The following KCNB2 variants were observed in gnomAD, a reference collection of about 807,000 sequenced individuals.
KCNB2 encodes potassium voltage-gated channel subfamily B member 2, also known as delayed rectifier potassium channel protein.
In KCNB2, 15 loss-of-function variants were observed where a neutral mutation model predicts 61.5. That is an observed-to-expected ratio of 0.24 (90% CI 0.16 to 0.38). The LOEUF is 0.38. Among genes scored for constraint, KCNB2 ranks in the 10% least tolerant of loss-of-function variants. KCNB2 has a pLI of 1.00. For missense variants in KCNB2, 828 were observed against 1,125.2 expected, an observed-to-expected ratio of 0.74 and a Z score of 3.78; for synonymous variants, 457 against 446.0, an observed-to-expected ratio of 1.02 and a Z score of -0.31.
intron 2 of KCNB2, among the ~76,000 whole-genome samples, chr8:72,658,281 A>G (rs11992102): frequency 0.042 from 6,468 of 152,264 alleles, 184 homozygotes; most frequent in African/African-American, 0.083. Context: ...CTTTATTGTT[A>G]ATATGTAGAA....
In KCNB2 at chr8:72,936,297, C is replaced by A. The variant is rs145537672; in HGVS notation, c.942C>A (p.Leu314=). Residue 314 remains leucine (L), a synonymous_variant, in exon 3 of 3, where the codon CTC becomes CTA. Transcript: ENST00000523207. This position sits in a 1 kb window ranked among gnomAD's most constrained non-coding sequence, Gnocchi z 5.6. The part of the protein sequence containing the change: ...RIMRILRILK[L]ARHSTGLQSL... ...TGCGCATCCTCAGGATCCTGAAACT[C>A]GCCAGGCATTCGACAGGCCTGCAGT... 17 of 1,614,218 alleles carry A rather than the reference C, an allele frequency of 1.1e-5. No homozygotes were observed. In the East Asian group the frequency reaches 2.2e-4, roughly 21 times the overall value.
chr8:72,819,101 AAAT>A, intron 2 of KCNB2, among the ~76,000 whole-genome samples: 1 of 152,268 alleles, frequency 6.6e-6, no homozygotes, highest in East Asian at 1.9e-4. Context: ...AGCCAACACA[AAAT>A]AATGATTCTT....
chr8:72,739,444 G>C (rs545628685), intron 2 of KCNB2, among the ~76,000 whole-genome samples: 8 of 152,032 alleles, frequency 5.3e-5, no homozygotes, highest in African/African-American at 1.9e-4. Context: ...TAAAGACATA[G>C]ATACAATAGA....
At chr8:72,859,015 A>G (rs1165782981) in intron 2 of KCNB2, among the ~76,000 whole-genome samples, 2 of 152,196 alleles carry the variant, frequency 1.3e-5, no homozygotes, top group Admixed American at 6.5e-5. Flanking sequence ...TTCTAAGATG[A>G]TTGCTCCTGC....
chr8:72,568,385 GT>G, intron 2 of KCNB2, 72 bp downstream of exon 2: 2 of 1,308,202 alleles, frequency 1.5e-6, no homozygotes, highest in African/African-American at 1.5e-5. Context: ...GAGAGTATAA[GT>G]TTTTTTACTG....
At chr8:72,574,706 G>A (rs916714475) in intron 2 of KCNB2, among the ~76,000 whole-genome samples, 11 of 152,048 alleles carry the variant, frequency 7.2e-5, no homozygotes, top group African/African-American at 2.2e-4. Flanking sequence ...CATTTTCAAC[G>A]TTGAAAAAGG....
chr8:72,655,488 G>A (rs1473189461), intron 2 of KCNB2, among the ~76,000 whole-genome samples: 1 of 152,090 alleles, frequency 6.6e-6, no homozygotes, highest in Non-Finnish European at 1.5e-5. Context: ...GGAGGACAGA[G>A]CAAGGGATTC....
chr8:72,576,235 C>T (rs552599409), intron 2 of KCNB2, among the ~76,000 whole-genome samples: 3 of 152,256 alleles, frequency 2.0e-5, no homozygotes, highest in Admixed American at 6.5e-5. Flanking sequence ...CCATGGCATT[C>T]GGTAATCTGT....
intron 2 of KCNB2, among the ~76,000 whole-genome samples, chr8:72,613,221 C>T (rs1026786245): frequency 6.6e-6 from 1 of 152,072 alleles, no homozygotes; most frequent in Non-Finnish European, 1.5e-5. Flanking sequence ...GGATTTCAAA[C>T]AGGCAATTAT....
intron 2 of KCNB2, among the ~76,000 whole-genome samples, chr8:72,675,487 C>T (rs1806638411): frequency 6.6e-6 from 1 of 150,934 alleles, no homozygotes; most frequent in Non-Finnish European, 1.5e-5. Flanking sequence ...TAATGGGAGG[C>T]TTGTTGCAGA....
intron 2 of KCNB2, among the ~76,000 whole-genome samples, chr8:72,763,786 A>T (rs2128996641): frequency 6.6e-6 from 1 of 152,332 alleles, no homozygotes; most frequent in Middle Eastern, 3.4e-3. Flanking sequence ...AATACCAAGA[A>T]GAATGTATTA....
intron 1 of KCNB2, among the ~76,000 whole-genome samples, chr8:72,565,664 C>CA (rs1387097820): frequency 6.8e-5 from 7 of 103,636 alleles, no homozygotes; most frequent in African/African-American, 2.3e-4. Flanking sequence ...ACACACACAA[C>CA]ACACACACAC....
chr8:72,615,472 A>G (rs1585785954), intron 2 of KCNB2, among the ~76,000 whole-genome samples: 1 of 152,206 alleles, frequency 6.6e-6, no homozygotes. Context: ...ACAGATTTCA[A>G]GGTTTTGCCC....
At chr8:72,812,250 A>C (rs1232338504) in intron 2 of KCNB2, among the ~76,000 whole-genome samples, 3 of 151,960 alleles carry the variant, frequency 2.0e-5, no homozygotes, top group African/African-American at 7.3e-5. Context: ...CCTGGGCTAC[A>C]GAGTGAGACT....
At chr8:72,787,078 T>C (rs1808855634) in intron 2 of KCNB2, among the ~76,000 whole-genome samples, 1 of 152,176 alleles carries the variant, frequency 6.6e-6, no homozygotes, top group African/African-American at 2.4e-5. Context: ...AAAATGAGTC[T>C]ACCTTTCCCC....
At chr8:72,604,208 T>C (rs1055436571) in intron 2 of KCNB2, among the ~76,000 whole-genome samples, 6 of 152,198 alleles carry the variant, frequency 3.9e-5, no homozygotes, top group Non-Finnish European at 2.9e-5. Flanking sequence ...TAGAGTTTTA[T>C]ATACGTTAAA....
At chr8:72,919,026 TG>T (rs1806451994) in intron 2 of KCNB2, among the ~76,000 whole-genome samples, 1 of 152,250 alleles carries the variant, frequency 6.6e-6, no homozygotes, top group Admixed American at 6.5e-5. Flanking sequence ...AAAGGGCTTT[TG>T]GGCACCCACA....
At chr8:72,541,525 G>A (rs1266370153) in intron 1 of KCNB2, among the ~76,000 whole-genome samples, 3 of 152,028 alleles carry the variant, frequency 2.0e-5, no homozygotes, top group Non-Finnish European at 2.9e-5. Flanking sequence ...TGTTAAAAAC[G>A]AGCCCAGGCA....
chr8:72,919,835 T>C (rs1806473351), intron 2 of KCNB2, among the ~76,000 whole-genome samples: 1 of 152,326 alleles, frequency 6.6e-6, no homozygotes, highest in East Asian at 1.9e-4. Context: ...GTGGTTAAAT[T>C]TTGCTTTGAT....
Sources: allele counts gnomAD v4.1 joint callset (sites outside exome capture counted in the v4.1 genomes callset), GRCh38; gene constraint gnomAD v4.1.1; non-coding constraint Gnocchi (gnomAD v3.1); transcripts MANE v1.5; gene names NCBI Gene and HGNC (gene_info 2026-07-23, HGNC 2026-07-21).